The following SLC2A13 variants were observed in gnomAD, a reference collection of about 807,000 sequenced individuals.
SLC2A13 encodes the protein solute carrier family 2 member 13.
SLC2A13 carries 32 observed loss-of-function variants against 64.4 expected under a neutral mutation model. The observed-to-expected ratio is 0.50, with a 90% CI of 0.37 to 0.67. SLC2A13 has a LOEUF of 0.67. Ranked by LOEUF, SLC2A13 falls within the 30% of genes least tolerant of loss-of-function variation. The pLI is 0.00. For missense variants in SLC2A13, 743 were observed against 829.2 expected, an observed-to-expected ratio of 0.90 and a Z score of 1.28; for synonymous variants, 338 against 327.1, an observed-to-expected ratio of 1.03 and a Z score of -0.36.
intron 4 of SLC2A13, among the ~76,000 whole-genome samples, chr12:39,892,020 T>C (rs12427424): frequency 0.034 from 5,235 of 152,290 alleles, 212 homozygotes; most frequent in Admixed American, 0.12. Flanking sequence ...ATACATTAAT[T>C]CTACTCTCCT....
intron 1 of SLC2A13, among the ~76,000 whole-genome samples, chr12:40,074,574 A>G (rs1403022400): frequency 6.6e-6 from 1 of 151,998 alleles, no homozygotes; most frequent in African/African-American, 2.4e-5. Context: ...CTTGCAAGCT[A>G]TTTTATCCAT....
chr12:40,041,656 T>C lies in SLC2A13; in HGVS notation c.716+6395A>G, dbSNP rs141369922. On this transcript the variant is annotated intron_variant, in intron 2 of 9. Coordinates refer to ENST00000280871, the MANE Select transcript of SLC2A13 (RefSeq NM_052885.4). ...ATGCAGAAAGTGTCAAGAAACTCTT[T>C]TGAATGAATGACTGAATTATTTCCA... is the stretch of plus-strand genomic sequence containing the variant. 2.9e-3 allele frequency among the ~76,000 whole-genome samples: 440 copies of C among 152,310 alleles called. 2 individuals are homozygous for C. The highest frequency in any genetic ancestry group is 0.01 in the African/African-American group (424 of 41,566).
intron 3 of SLC2A13, among the ~76,000 whole-genome samples, chr12:40,011,784 T>C (rs1300329627): frequency 1.3e-5 from 2 of 152,174 alleles, no homozygotes; most frequent in Non-Finnish European, 2.9e-5. Context: ...GAACAGCCAG[T>C]TGTGGTTGCC....
chr12:39,905,089 A>T (rs1261033010), intron 4 of SLC2A13, among the ~76,000 whole-genome samples: 1 of 152,154 alleles, frequency 6.6e-6, no homozygotes, highest in Admixed American at 6.6e-5. Context: ...ACAGAATGAG[A>T]CTTCTGTTCA....
chr12:39,841,620 T>C (rs1943182021), intron 6 of SLC2A13, among the ~76,000 whole-genome samples: 1 of 152,100 alleles, frequency 6.6e-6, no homozygotes, highest in South Asian at 2.1e-4. Context: ...TACATACATG[T>C]ATAAATAACT....
At chr12:40,041,178 G>T (rs17518050) in intron 2 of SLC2A13, among the ~76,000 whole-genome samples, 383 of 152,118 alleles carry the variant, frequency 2.5e-3, no homozygotes, top group African/African-American at 8.9e-3. Flanking sequence ...TCTTTTTTGA[G>T]GCTTTCAATA....
chr12:39,803,553 T>C (rs1022505050), intron 7 of SLC2A13, among the ~76,000 whole-genome samples: 2 of 152,118 alleles, frequency 1.3e-5, no homozygotes, highest in Non-Finnish European at 1.5e-5. Flanking sequence ...AAAATACATA[T>C]ATACATACAC....
chr12:39,951,404 A>G, intron 3 of SLC2A13, 39 bp from the exon 4 acceptor site: 1 of 1,500,432 alleles, frequency 6.7e-7, no homozygotes, highest in Admixed American at 2.2e-5. Flanking sequence ...TACAACTATT[A>G]TTTTTAGCTC....
chr12:39,854,331 T>C (rs1052769499), intron 6 of SLC2A13, among the ~76,000 whole-genome samples: 4 of 152,152 alleles, frequency 2.6e-5, no homozygotes, highest in Non-Finnish European at 5.9e-5. Context: ...TACTTGAATA[T>C]TGTAAGAGCT....
At chr12:39,896,012 G>A (rs1482612005) in intron 4 of SLC2A13, among the ~76,000 whole-genome samples, 1 of 135,576 alleles carries the variant, frequency 7.4e-6, no homozygotes, top group African/African-American at 2.8e-5. Flanking sequence ...ATATACATGT[G>A]TATATGTATA....
rs532486788 is a variant in SLC2A13, at chr12:39,927,824, A to G, written c.1034+23433T>C. On this transcript the variant is annotated intron_variant, in intron 4 of 9. Coordinates refer to ENST00000280871, the MANE Select transcript of SLC2A13 (RefSeq NM_052885.4). The stretch of plus-strand genomic sequence containing the variant: ...AAATACTACGCCAGAGATACACAAC[A>G]TGATTGTTTTTATATCAACACTTAT... 1.2e-4 allele frequency among the ~76,000 whole-genome samples: 18 copies of G among 152,324 alleles called. No homozygotes were observed. The East Asian group carries it at 1.7e-3, about 15-fold the overall frequency.
At chr12:39,771,679 T>C (rs76438754) in intron 7 of SLC2A13, among the ~76,000 whole-genome samples, 4 of 152,210 alleles carry the variant, frequency 2.6e-5, no homozygotes, top group African/African-American at 9.6e-5. Flanking sequence ...AGTAAATGAA[T>C]ACAGTTTCCT....
intron 1 of SLC2A13, among the ~76,000 whole-genome samples, chr12:40,075,525 T>C (rs1303056547): frequency 6.6e-6 from 1 of 152,184 alleles, no homozygotes; most frequent in Admixed American, 6.5e-5. Flanking sequence ...GCTCCTGATA[T>C]GCCCAACAAT....
intron 6 of SLC2A13, among the ~76,000 whole-genome samples, chr12:39,851,243 T>C (rs976890475): frequency 3.9e-5 from 6 of 152,172 alleles, no homozygotes; most frequent in African/African-American, 1.4e-4. Flanking sequence ...AAAATAAATA[T>C]TTCATTTGTT....
intron 4 of SLC2A13, among the ~76,000 whole-genome samples, chr12:39,902,717 T>C (rs989965300): frequency 3.4e-4 from 52 of 152,196 alleles, no homozygotes; most frequent in African/African-American, 1.2e-3. Flanking sequence ...TCACCTTCAT[T>C]TACCTTTAGA....
chr12:40,082,475 GCA>G (rs1938441126), intron 1 of SLC2A13, among the ~76,000 whole-genome samples: 1 of 152,182 alleles, frequency 6.6e-6, no homozygotes, highest in African/African-American at 2.4e-5. Flanking sequence ...GTAGCTGCCG[GCA>G]AGTGCCTCAG....
At chr12:39,860,499 C>T (rs769219820) in intron 6 of SLC2A13, among the ~76,000 whole-genome samples, 3 of 152,146 alleles carry the variant, frequency 2.0e-5, no homozygotes, top group Non-Finnish European at 2.9e-5. Context: ...TAGAACTCTC[C>T]TCCAACTACG....
chr12:39,892,516 AT>A (rs1057233881), intron 4 of SLC2A13, among the ~76,000 whole-genome samples: 11 of 151,952 alleles, frequency 7.2e-5, no homozygotes, highest in South Asian at 4.2e-4. Context: ...TAGTCAAAAG[AT>A]TTTTTTTTAA....
intron 4 of SLC2A13, among the ~76,000 whole-genome samples, chr12:39,918,123 C>T (rs1945550594): frequency 6.6e-6 from 1 of 152,066 alleles, no homozygotes; most frequent in African/African-American, 2.4e-5. Context: ...CTAGATAATA[C>T]TGACCAACCT....
Sources: gnomAD v4.1 joint callset for allele counts (sites outside exome capture counted in the v4.1 genomes callset) on GRCh38, gnomAD v4.1.1 for gene constraint, MANE v1.5 for transcripts, NCBI Gene and HGNC (gene_info 2026-07-23, HGNC 2026-07-21) for gene names.